EIF3A: variants seen among roughly 807,000 people sequenced by gnomAD.
The protein encoded by EIF3A is eukaryotic translation initiation factor 3 subunit A, also known as EIF3, p180 subunit.
Under a neutral mutation model 186.6 loss-of-function variants are expected in EIF3A, and 21 were observed. The observed-to-expected ratio is 0.11, with a 90% CI of 0.08 to 0.16. The LOEUF is 0.16. Ranked by LOEUF, EIF3A falls within the 10% of genes least tolerant of loss-of-function variation. EIF3A has a pLI of 1.00. For synonymous variants in EIF3A, 563 were observed against 584.3 expected (o/e 0.96, Z 0.52); for missense variants, 1,306 against 1,796.3 (o/e 0.73, Z 4.93).
intron 1 of EIF3A, among the ~76,000 whole-genome samples, chr10:119,078,010 T>C (rs1276084579): frequency 1.3e-5 from 2 of 152,190 alleles, no homozygotes; most frequent in African/African-American, 4.8e-5. Context: ...ACTGGATGGG[T>C]GAGCATTTGG....
chr10:119,055,344 T>C (rs1473262977), intron 14 of EIF3A, among the ~76,000 whole-genome samples: 1 of 152,162 alleles, frequency 6.6e-6, no homozygotes, highest in African/African-American at 2.4e-5. Context: ...TTCACCGCCT[T>C]CTATGAGTGT....
At chr10:119,072,610 G>A (rs1205093031) in intron 4 of EIF3A, among the ~76,000 whole-genome samples, 2 of 152,008 alleles carry the variant, frequency 1.3e-5, no homozygotes, top group African/African-American at 2.4e-5. Flanking sequence ...ACACCACCAC[G>A]CCCGGCTAAA....
rs550694488 is a variant in EIF3A, at chr10:119,042,492, G to A, written c.3028C>T (p.Arg1010Cys). ...GGTGGTCTGTCATCATCCGCATGAC[G>A]CCAGTTTCCCCTGTCTTCATCGGCA... ...RIADEDRGNW[R>C]HADDDRPPRR... is the part of the protein sequence containing the mutation. The change falls in exon 19 of 22, where the codon CGT becomes TGT. Residue 1010 changes from arginine to cysteine, a missense_variant. Physicochemically the swap from Arg to Cys is radical, Grantham distance 180 (BLOSUM62 -3). Transcript: ENST00000369144. The surrounding 1 kb of genome is among the most constrained non-coding windows in gnomAD (Gnocchi z 7.8). 12 of 1,614,056 alleles carry A rather than the reference G, an allele frequency of 7.4e-6. No individual in the cohort carries two copies. The South Asian group carries it at 9.9e-5, about 13-fold the overall frequency.
At chr10:119,041,005 C>CAA (rs34452005) in intron 19 of EIF3A, among the ~76,000 whole-genome samples, 2,901 of 78,106 alleles carry the variant, frequency 0.037, 34 homozygotes, top group African/African-American at 0.041. Context: ...ACTCCGTCTC[C>CAA]AAAAAAAAAA....
intron 7 of EIF3A, among the ~76,000 whole-genome samples, chr10:119,063,587 G>T (rs546950311): frequency 6.6e-6 from 1 of 152,248 alleles, no homozygotes; most frequent in South Asian, 2.1e-4. Flanking sequence ...ATACAGCCAA[G>T]TACTTATCCC....
chr10:119,049,176 T>C lies in EIF3A; in HGVS notation c.2658+625A>G, dbSNP rs183155610. The stretch of plus-strand genomic sequence containing the variant: ...ACCACATTAAAAAGAGCGGTGAAAA[T>C]GGGCTGGGTGCGGTGGCTCGCGCCT... On this transcript the variant is annotated intron_variant, in intron 17 of 21. Transcript: ENST00000369144. Among the ~76,000 whole-genome samples, 51 of 151,736 alleles carry C rather than the reference T, an allele frequency of 3.4e-4. No individual in the cohort carries two copies. In the East Asian group the frequency reaches 9.6e-3, roughly 29 times the overall value.
Position 119,033,779 on chromosome 10 carries a change from G to A in EIF3A, c.*2260C>T, listed in dbSNP as rs1380296231. ...GTTTGTTAGTCCTGATTTTCTAATC[G>A]TAGCCACTCAAGGAACAGTCCTTTC... On this transcript the variant is annotated 3_prime_UTR_variant, in exon 22 of 22. Coordinates refer to ENST00000369144, the MANE Select transcript of EIF3A (RefSeq NM_003750.4). The A allele has an allele frequency of 1.8e-5, 3 of 166,596 alleles. No homozygotes were observed. Among genetic ancestry groups the A allele is most frequent in the African/African-American group, 4.9e-5 (2 of 41,234 alleles). The allele number at this position is 166,596 out of a possible 1,614,324, so 10.3% of individuals were successfully genotyped here.
At position 119,050,661 on chromosome 10, in the gene EIF3A, T is replaced by C; in HGVS notation, c.2333A>G (p.Gln778Arg). 1.2e-6 allele frequency: 2 copies of C among 1,614,002 alleles called. No homozygotes were observed. Among genetic ancestry groups the C allele is most frequent in the Non-Finnish European group, 1.7e-6 (2 of 1,180,012 alleles). ...RQSVYEEKLKQFEERLAEERH... is the reference protein window; with the variant it reads ...RQSVYEEKLKRFEERLAEERH... Reference sequence around the variant, plus strand: ...TTCTTCTGCTAATCGCTCTTCAAACTGTTTAAGTTTTTCCTGCAATCGAAG... The same window carrying C: ...TTCTTCTGCTAATCGCTCTTCAAACCGTTTAAGTTTTTCCTGCAATCGAAG... Residue 778 changes from glutamine to arginine, a missense_variant, in exon 16 of 22, where the codon CAG becomes CGG. By Grantham distance (43) the Gln-to-Arg change is conservative. Transcript: ENST00000369144.
intron 7 of EIF3A, 49 bp downstream of exon 7, chr10:119,065,350 C>A: frequency 1.4e-6 from 2 of 1,397,716 alleles, no homozygotes; most frequent in South Asian, 1.2e-5. Context: ...TAAACCTGAC[C>A]ACAAAGTTTT....
intron 11 of EIF3A, 86 bp downstream of exon 11, chr10:119,059,124 TTG>T: frequency 9.8e-7 from 1 of 1,015,330 alleles, no homozygotes; most frequent in Non-Finnish European, 1.5e-6. Flanking sequence ...CTCTCAGATA[TTG>T]TCTCAAACCT....
In EIF3A at chr10:119,049,603, TCAGCC is replaced by T; in HGVS notation, c.2658+193_2658+197del. Among the ~76,000 whole-genome samples, 3 of 150,936 alleles carry T rather than the reference TCAGCC, an allele frequency of 2.0e-5. No individual in the cohort carries two copies. In the Middle Eastern group the frequency reaches 0.01, roughly 520 times the overall value. Reference sequence around the variant, plus strand: ...TAAAAATACATCACAATTACAAAAATCAGCCAGGCATGGTGGTATGCACCTGTAAT... The same window carrying T: ...TAAAAATACATCACAATTACAAAAATAGGCATGGTGGTATGCACCTGTAAT... On this transcript the variant is annotated intron_variant, in intron 17 of 21. Coordinates refer to ENST00000369144, the MANE Select transcript of EIF3A (RefSeq NM_003750.4).
At chr10:119,060,670 T>C in intron 9 of EIF3A, 76 bp downstream of exon 9, 2 of 1,102,084 alleles carry the variant, frequency 1.8e-6, no homozygotes, top group Non-Finnish European at 2.6e-6. Context: ...TCCTAGGCAG[T>C]TCTAGATTTT....
At chr10:119,062,251 T>C (rs981052086) in intron 7 of EIF3A, among the ~76,000 whole-genome samples, 14 of 152,246 alleles carry the variant, frequency 9.2e-5, no homozygotes, top group Admixed American at 9.2e-4. Context: ...CAAGTTATTT[T>C]AGATTCTTCA....
intron 1 of EIF3A, 172 bp downstream of exon 1, chr10:119,080,456 G>C: frequency 7.1e-6 from 7 of 985,348 alleles, no homozygotes; most frequent in Non-Finnish European, 7.2e-6. Flanking sequence ...CCAGTCGATA[G>C]AGTGAGAAGG....
chr10:119,040,911 C>A (rs1016873086), intron 19 of EIF3A, among the ~76,000 whole-genome samples: 3 of 147,560 alleles, frequency 2.0e-5, no homozygotes, highest in African/African-American at 7.5e-5. Flanking sequence ...GAGGCTGAGG[C>A]AGGAGAAGGG....
At chr10:119,066,069 T>C (rs969188773) in intron 6 of EIF3A, among the ~76,000 whole-genome samples, 8 of 150,408 alleles carry the variant, frequency 5.3e-5, no homozygotes, top group African/African-American at 2.0e-4. Flanking sequence ...TGAGCCAAGA[T>C]CGCGCCACTG....
Position 119,063,077 on chromosome 10 carries a change from G to A in EIF3A, c.1123-1749C>T, listed in dbSNP as rs535528288. ...CCAAGATCACCTTTAACAAGGTGAC[G>A]TGGATTATCCTTCCAGTGTGGCACG... On this transcript the variant is annotated intron_variant, in intron 7 of 21. Coordinates refer to ENST00000369144, the MANE Select transcript of EIF3A (RefSeq NM_003750.4). 5.3e-5 allele frequency among the ~76,000 whole-genome samples: 8 copies of A among 152,224 alleles called. No individual in the cohort carries two copies. In the South Asian group the frequency reaches 8.3e-4, roughly 16 times the overall value.
At chr10:119,039,271 T>C (rs1025402084) in intron 19 of EIF3A, among the ~76,000 whole-genome samples, 9 of 152,150 alleles carry the variant, frequency 5.9e-5, no homozygotes, top group African/African-American at 1.7e-4. Context: ...CTCACACTTA[T>C]GCATGGAATA....
In EIF3A at chr10:119,074,931, AAAAAAAAAAAG is replaced by A. The variant is rs1182000202; in HGVS notation, c.50-1005_50-995del. Among the ~76,000 whole-genome samples the A allele has an allele frequency of 4.8e-5, 7 of 146,762 alleles. No homozygotes were observed. The East Asian group carries it at 7.8e-4, about 16-fold the overall frequency. On this transcript the variant is annotated intron_variant, in intron 1 of 21. Coordinates refer to ENST00000369144, the MANE Select transcript of EIF3A (RefSeq NM_003750.4). ...GAAACTCCAACTCAAAAAAAAAAAA[AAAAAAAAAAAG>A]GGAAAAAAATGGAATACAAAGCAAA... is the stretch of plus-strand genomic sequence containing the variant.
Sources: gnomAD v4.1 joint callset for allele counts (sites outside exome capture counted in the v4.1 genomes callset) on GRCh38, gnomAD v4.1.1 for gene constraint, Gnocchi (gnomAD v3.1) non-coding constraint, MANE v1.5 for transcripts, NCBI Gene and HGNC (gene_info 2026-07-23, HGNC 2026-07-21) for gene names.